Variants in VPS13B observed in about 807,000 individuals in gnomAD.
The protein encoded by VPS13B is vacuolar protein sorting 13 homolog B.
A neutral mutation model predicts 426.4 loss-of-function variants in VPS13B; 285 were observed. The observed-to-expected ratio is 0.67, with a 90% CI of 0.61 to 0.74. The LOEUF is 0.74. Among genes scored for constraint, VPS13B ranks in the 30% least tolerant of loss-of-function variants. The pLI, the probability that VPS13B is intolerant of heterozygous loss-of-function variation, is 0.00. For missense variants in VPS13B, 4,537 were observed against 4,782.6 expected, an observed-to-expected ratio of 0.95 and a Z score of 1.51; for synonymous variants, 1,676 against 1,676.4, an observed-to-expected ratio of 1.00 and a Z score of 0.01.
intron 33 of VPS13B, among the ~76,000 whole-genome samples, chr8:99,611,781 T>C (rs2133875933): frequency 6.6e-6 from 1 of 152,206 alleles, no homozygotes; most frequent in East Asian, 1.9e-4. Flanking sequence ...CTTTAAAACA[T>C]TGTTTTCTTT....
In VPS13B at chr8:99,697,309, C is replaced by T. The variant is rs534270430; in HGVS notation, c.6047-2216C>T. 1.1e-4 allele frequency: 62 copies of T among 572,626 alleles called. No homozygotes were observed. The South Asian group carries it at 1.1e-3, about 10-fold the overall frequency. 35.5% of individuals were successfully genotyped at this position (572,626 alleles called of 1,614,324 possible). On this transcript the variant is annotated intron_variant, in intron 35 of 61. Transcript: ENST00000357162. ...CGCTCGGAGTTGGAGAAGGATGTCG[C>T]GCCCGAAGGTGTGGAAGCCACCCCT...
At chr8:99,402,890 G>A (rs1815115736) in intron 21 of VPS13B, among the ~76,000 whole-genome samples, 1 of 152,220 alleles carries the variant, frequency 6.6e-6, no homozygotes, top group African/African-American at 2.4e-5. Flanking sequence ...CTAGGGCAGG[G>A]CACATACAAC....
rs774992590 is a variant in VPS13B at position 99,136,716 on chromosome 8, G to A, written c.1615G>A (p.Asp539Asn). Reference protein sequence around the residue: ...GMQRFGAFYMDYLYTMENTSG... With the variant: ...GMQRFGAFYMNYLYTMENTSG... ...GCAACGGTTTGGGGCTTTTTATATG[G>A]ATTACCTGTATACAATGGAGAACAC... Residue 539 changes from aspartate to asparagine, a missense_variant, in exon 12 of 62, where the codon GAT (aspartate) becomes AAT (asparagine). Physicochemically the swap from Asp to Asn is conservative, Grantham distance 23. Around this residue, in one of 2 missense-constraint regions of VPS13B, gnomAD observed 4,311 missense variants for 4,474.3 expected, o/e 0.96. Coordinates refer to ENST00000357162, the MANE Select transcript of VPS13B (RefSeq NM_152564.5). The A allele has an allele frequency of 6.8e-6, 11 of 1,613,488 alleles. No individual in the cohort carries two copies. The highest frequency in any genetic ancestry group is 9.3e-6 in the Non-Finnish European group (11 of 1,179,670).
chr8:99,648,644 A>C (rs529641843), intron 34 of VPS13B, among the ~76,000 whole-genome samples: 1 of 152,318 alleles, frequency 6.6e-6, no homozygotes, highest in South Asian at 2.1e-4. Context: ...AGAGCTTTAC[A>C]ACTACATAGG....
chr8:99,338,018 A>T lies in VPS13B; in HGVS notation c.2825-46190A>T, dbSNP rs190475196. Among the ~76,000 whole-genome samples the T allele has an allele frequency of 3.2e-3, 481 of 152,098 alleles. 3 individuals carry two copies. Among genetic ancestry groups the T allele is most frequent in the African/African-American group, 0.011 (436 of 41,506 alleles). On this transcript the variant is annotated intron_variant, in intron 19 of 61. Coordinates refer to ENST00000357162, the MANE Select transcript of VPS13B (RefSeq NM_152564.5). ...AAAATCAATAGACAACATATGCATG[A>T]TTTTATTTCTGGAATTCTATTCTGG...
At chr8:99,698,312 CT>C in intron 35 of VPS13B, among the ~76,000 whole-genome samples, 2 of 152,196 alleles carry the variant, frequency 1.3e-5, no homozygotes. Flanking sequence ...AAGGTGCCCC[CT>C]TGTGTGTGTC....
chr8:99,563,488 A>G (rs1478459878), intron 31 of VPS13B, among the ~76,000 whole-genome samples: 1 of 152,302 alleles, frequency 6.6e-6, no homozygotes, highest in East Asian at 1.9e-4. Context: ...CAAAGTTCAC[A>G]TAGGTACAAA....
chr8:99,085,131 G>A (rs868381463), intron 3 of VPS13B, among the ~76,000 whole-genome samples: 45 of 152,250 alleles, frequency 3.0e-4, no homozygotes, highest in African/African-American at 1.0e-3. Context: ...ATGAATCTGG[G>A]TGCTCCTTTA....
In VPS13B at chr8:99,763,135, CAAAAAAAAAAAAA is replaced by C. The variant is rs750289763; in HGVS notation, c.7051-3621_7051-3609del. Among the ~76,000 whole-genome samples, 28 of 35,844 alleles carry C rather than the reference CAAAAAAAAAAAAA, an allele frequency of 7.8e-4. 1 individual carries two copies. The highest frequency in any genetic ancestry group is 3.2e-3 in the African/African-American group (23 of 7,158). The allele number at this position is 35,844 out of a possible 152,430, so 23.5% of individuals were successfully genotyped here. A position where few individuals can be genotyped will look rare whatever the true frequency, so the allele number is the denominator to read the frequency against. On this transcript the variant is annotated intron_variant, in intron 39 of 61. Transcript: ENST00000357162. ...TGGGCAACAGAGTGAGACCTTGTCT[CAAAAAAAAAAAAA>C]AAAAAAAAAAAAAAAAAGAAGAGAA...
At position 99,575,774 on chromosome 8, in the gene VPS13B, T is replaced by C; in HGVS notation, c.5066T>C (p.Leu1689Ser). Reference sequence around the variant, plus strand: ...ACCAAAGTAGTTTCTCCAGAAAATTTGCATACTGAGGTTAGAACATAATTT... The same window carrying C: ...ACCAAAGTAGTTTCTCCAGAAAATTCGCATACTGAGGTTAGAACATAATTT... ...IFTKVVSPEN[L>S]HTEEILVCGH... Residue 1689 changes from leucine (L) to serine (S), a missense_variant, in exon 32 of 62, where the codon TTG (leucine) becomes TCG (serine). This residue lies in a region of VPS13B where 4,311 missense variants were observed against 4,474.3 expected (regional missense o/e 0.96). Coordinates refer to ENST00000357162, the MANE Select transcript of VPS13B (RefSeq NM_152564.5). The C allele has an allele frequency of 6.2e-7, 1 of 1,613,650 alleles. No homozygotes were observed. The highest frequency in any genetic ancestry group is 8.5e-7 in the Non-Finnish European group (1 of 1,179,746).
rs1186196754 is a variant in VPS13B at position 99,360,160 on chromosome 8, TTC to T, written c.2825-24046_2825-24045del. ...TTTCTTTCTTTCTTTCTTTCTTTCT[TTC>T]TTTCTTTCTTTCTTTCTTTCTTTCT... On this transcript the variant is annotated intron_variant, in intron 19 of 61. Transcript: ENST00000357162. 2.1e-4 allele frequency among the ~76,000 whole-genome samples: 8 copies of T among 37,344 alleles called. 1 individual carries two copies. The highest frequency in any genetic ancestry group is 9.4e-4 in the African/African-American group (7 of 7,476). The allele number at this position is 37,344 out of a possible 152,430, so 24.5% of individuals were successfully genotyped here.
chr8:99,475,949 C>A (rs902616947), intron 24 of VPS13B, among the ~76,000 whole-genome samples: 1 of 152,186 alleles, frequency 6.6e-6, no homozygotes, highest in Non-Finnish European at 1.5e-5. Context: ...CTCATAAAAT[C>A]CTTGGAGTTA....
At chr8:99,358,455 G>A (rs1812311100) in intron 19 of VPS13B, among the ~76,000 whole-genome samples, 1 of 152,100 alleles carries the variant, frequency 6.6e-6, no homozygotes, top group Non-Finnish European at 1.5e-5. Flanking sequence ...TGACAGTAGT[G>A]TAAAGATAGT....
intron 3 of VPS13B, among the ~76,000 whole-genome samples, chr8:99,069,477 A>T (rs951408256): frequency 6.6e-6 from 1 of 152,232 alleles, no homozygotes; most frequent in Non-Finnish European, 1.5e-5. Context: ...GAACAAGTTA[A>T]TAATGACGTT....
chr8:99,084,474 G>T (rs1163633639), intron 3 of VPS13B, among the ~76,000 whole-genome samples: 2 of 152,068 alleles, frequency 1.3e-5, no homozygotes, highest in Non-Finnish European at 2.9e-5. Context: ...TCTGATTTTA[G>T]TTATTTCTTG....
intron 23 of VPS13B, among the ~76,000 whole-genome samples, chr8:99,458,494 A>G (rs1434186306): frequency 6.6e-6 from 1 of 152,122 alleles, no homozygotes; most frequent in East Asian, 1.9e-4. Context: ...GAATCGCCAC[A>G]CTGACTTCCA....
intron 19 of VPS13B, among the ~76,000 whole-genome samples, chr8:99,370,184 A>G (rs974302761): frequency 2.0e-5 from 3 of 152,230 alleles, no homozygotes; most frequent in African/African-American, 7.2e-5. Context: ...GAACAATACA[A>G]ATGGTCTCTG....
At chr8:99,088,528 G>A (rs568677379) in intron 3 of VPS13B, among the ~76,000 whole-genome samples, 14 of 152,274 alleles carry the variant, frequency 9.2e-5, no homozygotes, top group Non-Finnish European at 1.9e-4. Context: ...AGAGTTATGA[G>A]TTTTGTTTTA....
At chr8:99,132,245 ACTG>A (rs1373185174) in intron 8 of VPS13B, among the ~76,000 whole-genome samples, 1 of 152,136 alleles carries the variant, frequency 6.6e-6, no homozygotes, top group Non-Finnish European at 1.5e-5. Context: ...TTCAAACACT[ACTG>A]CTGCTTTATC....
Sources: gnomAD v4.1 joint callset for allele counts (sites outside exome capture counted in the v4.1 genomes callset) on GRCh38, gnomAD v4.1.1 for gene constraint, gnomAD v4.1.1 regional missense constraint, MANE v1.5 for transcripts, NCBI Gene and HGNC (gene_info 2026-07-23, HGNC 2026-07-21) for gene names.